The following PLEKHA1 variants were observed in gnomAD, a reference collection of about 807,000 sequenced individuals.
The protein encoded by PLEKHA1 is pleckstrin homology domain containing A1, also known as pleckstrin homology domain-containing family A member 1.
In PLEKHA1, 34 loss-of-function variants were observed where a neutral mutation model predicts 52.0. The observed-to-expected ratio is 0.65, with a 90% confidence interval of 0.50 to 0.87. The LOEUF (loss-of-function observed/expected upper bound fraction) is 0.87. PLEKHA1 is among the 40% of genes least tolerant of loss of function. The pLI, the probability that PLEKHA1 is intolerant of heterozygous loss-of-function variation, is 0.00. For synonymous variants in PLEKHA1, 163 were observed against 170.7 expected (o/e 0.95, Z 0.35); for missense variants, 497 against 504.2 (o/e 0.99, Z 0.14).
chr10:122,418,457 AC>A (rs751398535), intron 8 of PLEKHA1: 1 of 152,550 alleles, frequency 6.6e-6, no homozygotes, highest in Non-Finnish European at 1.5e-5. Context: ...TGAGATATTT[AC>A]ATAGTTTCAA....
intron 5 of PLEKHA1, among the ~76,000 whole-genome samples, chr10:122,409,440 TATATAGTGGAA>T (rs1231320770): frequency 7.0e-6 from 1 of 142,068 alleles, no homozygotes; most frequent in African/African-American, 2.5e-5. Context: ...AGTGGAAATA[TATATAGTGGAA>T]ATATAGTGGA....
chr10:122,398,100 A>G (rs1471839293), intron 3 of PLEKHA1, 126 bp downstream of exon 3: 3 of 666,990 alleles, frequency 4.5e-6, no homozygotes, highest in Non-Finnish European at 5.2e-6. Flanking sequence ...TCATACTGAA[A>G]TGGTACCTGA....
intron 11 of PLEKHA1, among the ~76,000 whole-genome samples, chr10:122,429,154 A>C (rs2133711070): frequency 6.6e-6 from 1 of 152,354 alleles, no homozygotes; most frequent in South Asian, 2.1e-4. Flanking sequence ...CTTATTAAAG[A>C]AATATGGCCT....
At chr10:122,376,868 G>T (rs2096545703) in intron 1 of PLEKHA1, among the ~76,000 whole-genome samples, 1 of 152,158 alleles carries the variant, frequency 6.6e-6, no homozygotes, top group Non-Finnish European at 1.5e-5. Flanking sequence ...AGTATCGTTT[G>T]CTAACATATA....
At chr10:122,403,494 A>G (rs2096959744) in intron 4 of PLEKHA1, among the ~76,000 whole-genome samples, 1 of 152,198 alleles carries the variant, frequency 6.6e-6, no homozygotes, top group Admixed American at 6.5e-5. Context: ...TTGAAGTTAA[A>G]TACTCAAGTG....
chr10:122,411,334 T>C (rs2097103949), intron 5 of PLEKHA1, among the ~76,000 whole-genome samples: 3 of 152,206 alleles, frequency 2.0e-5, no homozygotes, highest in Admixed American at 2.0e-4. Context: ...AAGTCATTTA[T>C]TATATCCATA....
chr10:122,429,840 C>A lies in PLEKHA1; in HGVS notation c.1117C>A (p.Gln373Lys), dbSNP rs780423831. 1 of 1,614,060 alleles carries A rather than the reference C, an allele frequency of 6.2e-7. No individual in the cohort carries two copies. Among genetic ancestry groups the A allele is most frequent in the South Asian group, 1.1e-5 (1 of 90,982 alleles). ...AGAACCAGCTTCCAAAGTGACTGAA[C>A]AAGCTCTGTTAAGACCTCAAAGTAA... ...PREPASKVTEQALLRPQSKNG... is the reference protein window; with the variant it reads ...PREPASKVTEKALLRPQSKNG... Residue 373 changes from glutamine to lysine, a missense_variant, in exon 12 of 12, where the codon CAA (glutamine) becomes AAA (lysine). Transcript: ENST00000368990.
intron 6 of PLEKHA1, among the ~76,000 whole-genome samples, chr10:122,415,102 C>A (rs2133137874): frequency 6.6e-6 from 1 of 152,182 alleles, no homozygotes; most frequent in Non-Finnish European, 1.5e-5. Flanking sequence ...GTCATCCATC[C>A]ATACCATGGA....
chr10:122,381,203 A>G (rs993945290), intron 1 of PLEKHA1, among the ~76,000 whole-genome samples: 34 of 152,250 alleles, frequency 2.2e-4, no homozygotes, highest in Admixed American at 1.0e-3. Context: ...GCCCTTGGCA[A>G]TAATCCAGGT....
chr10:122,376,971 T>C (rs555894535), intron 1 of PLEKHA1, among the ~76,000 whole-genome samples: 20 of 152,358 alleles, frequency 1.3e-4, no homozygotes, highest in African/African-American at 2.9e-4. Context: ...CAAAAAACAT[T>C]TAATGGAGAT....
chr10:122,393,453 T>C lies in PLEKHA1; in HGVS notation c.141+112T>C. On this transcript the variant is annotated intron_variant, in intron 2 of 11. Coordinates refer to ENST00000368990, the MANE Select transcript of PLEKHA1 (RefSeq NM_001001974.4). This position sits in a 1 kb window ranked among gnomAD's most constrained non-coding sequence, Gnocchi z 4.5. ...TTCTTAAGCAGTATATTTTTAGATT[T>C]ATTTCTACTGGCTGTCCTCTCTGCC... 1 of 1,084,502 alleles carries C rather than the reference T, an allele frequency of 9.2e-7. No homozygotes were observed. Among genetic ancestry groups the C allele is most frequent in the East Asian group, 2.9e-5 (1 of 34,600 alleles). The allele number at this position is 1,084,502 out of a possible 1,614,324, so 67.2% of individuals were successfully genotyped here.
intron 1 of PLEKHA1, among the ~76,000 whole-genome samples, chr10:122,375,268 C>T (rs961749962): frequency 6.6e-6 from 1 of 152,086 alleles, no homozygotes; most frequent in Non-Finnish European, 1.5e-5. Context: ...GGAGCGCCTC[C>T]CTCCAGGGCT....
chr10:122,427,372 G>A (rs1056614329), intron 11 of PLEKHA1, among the ~76,000 whole-genome samples: 1 of 152,188 alleles, frequency 6.6e-6, no homozygotes, highest in African/African-American at 2.4e-5. Context: ...TCAGGATCAT[G>A]TAAGACTTTT....
At chr10:122,379,717 C>G (rs1343647562) in intron 1 of PLEKHA1, among the ~76,000 whole-genome samples, 1 of 152,190 alleles carries the variant, frequency 6.6e-6, no homozygotes, top group Non-Finnish European at 1.5e-5. Flanking sequence ...ATATCCTCAG[C>G]TTTGTGTTTG....
At chr10:122,421,440 T>G (rs2097258403) in intron 8 of PLEKHA1, 1 of 152,214 alleles carries the variant, frequency 6.6e-6, no homozygotes, top group South Asian at 2.1e-4. Flanking sequence ...TGAACTGAAT[T>G]CTTTTGCTCT....
intron 4 of PLEKHA1, among the ~76,000 whole-genome samples, chr10:122,401,020 G>C (rs2096920289): frequency 6.6e-6 from 1 of 152,212 alleles, no homozygotes; most frequent in Non-Finnish European, 1.5e-5. Context: ...GAGCTCAGGA[G>C]TCGGGGAGCC....
intron 8 of PLEKHA1, chr10:122,418,430 G>A: frequency 6.5e-6 from 1 of 153,440 alleles, no homozygotes; most frequent in East Asian, 1.9e-4. Flanking sequence ...ATGTATATCT[G>A]TATATATGAT....
At chr10:122,437,690 C>G in the PLEKHA1 span, 4 of 152,238 alleles carry the variant, frequency 2.6e-5, no homozygotes, top group African/African-American at 9.7e-5. Flanking sequence ...AACAGGATAT[C>G]AAGAGTACGT....
chr10:122,409,594 G>T (rs144334664), intron 5 of PLEKHA1, among the ~76,000 whole-genome samples: 8 of 152,108 alleles, frequency 5.3e-5, no homozygotes, highest in African/African-American at 1.7e-4. Flanking sequence ...ATAAATGTTC[G>T]ATTTGAATCT....
Sources: gnomAD v4.1 joint callset for allele counts (sites outside exome capture counted in the v4.1 genomes callset) on GRCh38, gnomAD v4.1.1 for gene constraint, Gnocchi (gnomAD v3.1) non-coding constraint, MANE v1.5 for transcripts, NCBI Gene and HGNC (gene_info 2026-07-23, HGNC 2026-07-21) for gene names.